HDAC9: variants seen among roughly 807,000 people sequenced by gnomAD.
The protein encoded by HDAC9 is MEF-2 interacting transcription repressor (MITR) protein.
A neutral mutation model predicts 139.4 loss-of-function variants in HDAC9; 41 were observed. The ratio of observed to expected loss-of-function variants is 0.29; its 90% CI spans 0.23 to 0.38. The LOEUF (loss-of-function observed/expected upper bound fraction) is 0.38. Ranked by LOEUF, HDAC9 falls within the 10% of genes least tolerant of loss-of-function variation. The probability of loss-of-function intolerance (pLI) is 1.00; values close to 1 mark genes in which losing one functional copy is unlikely to be tolerated. For synonymous variants in HDAC9, 517 were observed against 476.2 expected (o/e 1.09, Z -1.12); for missense variants, 1,147 against 1,297.0 (o/e 0.88, Z 1.78).
intron 2 of HDAC9, among the ~76,000 whole-genome samples, chr7:18,564,505 G>T (rs1821639794): frequency 6.6e-6 from 1 of 152,066 alleles, no homozygotes; most frequent in Non-Finnish European, 1.5e-5. Context: ...AGAGGAAGCT[G>T]GTATATAGCA....
chr7:18,725,887 G>T (rs529268100), intron 12 of HDAC9, among the ~76,000 whole-genome samples: 1 of 152,262 alleles, frequency 6.6e-6, no homozygotes, highest in Admixed American at 6.6e-5. Context: ...AACCATTGTA[G>T]CTAGAACTAG....
chr7:18,482,885 C>T lies in HDAC9; in HGVS notation c.-41-13377C>T, dbSNP rs548613246. Among the ~76,000 whole-genome samples, 102 of 152,252 alleles carry T rather than the reference C, an allele frequency of 6.7e-4. 1 individual carries two copies. In the South Asian group the frequency reaches 0.02, roughly 30 times the overall value. On this transcript the variant is annotated intron_variant, in intron 1 of 3. Transcript: ENST00000413509. Reference sequence around the variant, plus strand: ...CCAGGAGCCATTGGAAGAACTAACACTTGTCAAAGCAAATCATATTTGTTA... The same window carrying T: ...CCAGGAGCCATTGGAAGAACTAACATTTGTCAAAGCAAATCATATTTGTTA...
intron 6 of HDAC9, among the ~76,000 whole-genome samples, chr7:18,628,451 G>T (rs1462731501): frequency 6.6e-6 from 1 of 152,146 alleles, no homozygotes; most frequent in Admixed American, 6.5e-5. Context: ...AATGTTAATT[G>T]TTATGAGAAA....
rs1351662077 is a variant in HDAC9 at position 18,297,267 on chromosome 7, A to T, written c.-42+6752A>T. Among the ~76,000 whole-genome samples, 3 of 152,174 alleles carry T rather than the reference A, an allele frequency of 2.0e-5. No individual in the cohort carries two copies. The East Asian group carries it at 5.8e-4, about 29-fold the overall frequency. On this transcript the variant is annotated intron_variant, in intron 1 of 3. Coordinates refer to the HDAC9 transcript ENST00000413509. ...AACTTTTTTATTTAAAAAACTTTTAATTAAAAACTGTTTTATGTCCACGTA... is the reference window on the plus strand; with the variant it reads ...AACTTTTTTATTTAAAAAACTTTTATTTAAAAACTGTTTTATGTCCACGTA...
chr7:18,937,496 C>T (rs981874557), intron 23 of HDAC9, among the ~76,000 whole-genome samples: 14 of 152,124 alleles, frequency 9.2e-5, no homozygotes, highest in African/African-American at 3.4e-4. Context: ...CCAATAATGT[C>T]AAACAGGATG....
At chr7:18,383,007 T>C (rs889428123) in intron 1 of HDAC9, among the ~76,000 whole-genome samples, 1 of 152,218 alleles carries the variant, frequency 6.6e-6, no homozygotes, top group Non-Finnish European at 1.5e-5. Context: ...GAAAGATGCA[T>C]TGTGGTAAAG....
At chr7:18,657,723 C>T (rs536099945) in intron 11 of HDAC9, among the ~76,000 whole-genome samples, 2 of 152,280 alleles carry the variant, frequency 1.3e-5, no homozygotes, top group South Asian at 4.1e-4. Context: ...CCTCTTTCTA[C>T]TTTTGCTCCC....
intron 12 of HDAC9, among the ~76,000 whole-genome samples, chr7:18,693,009 T>G (rs1205928645): frequency 6.6e-6 from 1 of 152,094 alleles, no homozygotes; most frequent in Non-Finnish European, 1.5e-5. Flanking sequence ...TTTAATTTTT[T>G]ATTGTGATAA....
At chr7:18,917,491 A>G (rs1395945886) in intron 22 of HDAC9, among the ~76,000 whole-genome samples, 1 of 152,018 alleles carries the variant, frequency 6.6e-6, no homozygotes, top group Non-Finnish European at 1.5e-5. Context: ...TGCAAGCAAA[A>G]TGTCTAGTGA....
At chr7:18,574,295 C>T (rs574009354) in intron 2 of HDAC9, among the ~76,000 whole-genome samples, 11 of 152,186 alleles carry the variant, frequency 7.2e-5, no homozygotes, top group Non-Finnish European at 1.3e-4. Flanking sequence ...CTGTGCAGCC[C>T]TCAGTGGAGA....
intron 1 of HDAC9, among the ~76,000 whole-genome samples, chr7:18,402,824 A>G (rs975028511): frequency 8.5e-5 from 13 of 152,332 alleles, no homozygotes; most frequent in Middle Eastern, 3.4e-3. Flanking sequence ...AACAGACTCA[A>G]TAAAAAGCCA....
chr7:18,118,286 G>T (rs1784142969), intron 1 of HDAC9, among the ~76,000 whole-genome samples: 1 of 152,136 alleles, frequency 6.6e-6, no homozygotes, highest in Non-Finnish European at 1.5e-5. Flanking sequence ...CTGGAATATT[G>T]TCAGTCCTTA....
intron 2 of HDAC9, among the ~76,000 whole-genome samples, chr7:18,244,119 G>A (rs773800303): frequency 1.7e-4 from 26 of 152,030 alleles, no homozygotes; most frequent in Non-Finnish European, 3.4e-4. Flanking sequence ...AAAATAAAAC[G>A]AGTAACTTCC....
chr7:18,376,780 A>G (rs1383333745), intron 1 of HDAC9, among the ~76,000 whole-genome samples: 1 of 152,096 alleles, frequency 6.6e-6, no homozygotes, highest in Non-Finnish European at 1.5e-5. Flanking sequence ...ATCAATAATC[A>G]TATGCCTGTT....
intron 13 of HDAC9, 149 bp downstream of exon 13, chr7:18,727,906 A>G (rs1785687067): frequency 7.2e-6 from 4 of 553,976 alleles, no homozygotes; most frequent in South Asian, 3.5e-5. Context: ...TATATTGGCT[A>G]TAAGACAAAC....
At chr7:18,558,341 C>T (rs1231843798) in intron 2 of HDAC9, among the ~76,000 whole-genome samples, 2 of 152,044 alleles carry the variant, frequency 1.3e-5, no homozygotes, top group African/African-American at 2.4e-5. Context: ...GAAGGAACTA[C>T]AGAGAAATAA....
chr7:18,143,747 C>T (rs979106492), intron 1 of HDAC9, among the ~76,000 whole-genome samples: 49 of 149,330 alleles, frequency 3.3e-4, no homozygotes, highest in African/African-American at 1.1e-3. Flanking sequence ...GAGCCACGAT[C>T]GCACCATTAC....
At chr7:18,259,013 A>G (rs901510035) in intron 2 of HDAC9, among the ~76,000 whole-genome samples, 2 of 123,970 alleles carry the variant, frequency 1.6e-5, no homozygotes, top group Admixed American at 1.1e-4. Flanking sequence ...TCTGTCGTCC[A>G]GGCTGGAGTG....
At position 18,267,253 on chromosome 7, in the gene HDAC9, ATAAT is replaced by A. The variant is rs139465397; in HGVS notation, c.25+104910_25+104913del. Among the ~76,000 whole-genome samples, 433 of 152,214 alleles carry A rather than the reference ATAAT, an allele frequency of 2.8e-3. 2 individuals carry two copies. The highest frequency in any genetic ancestry group is 9.6e-3 in the African/African-American group (397 of 41,544). On this transcript the variant is annotated intron_variant, in intron 2 of 12. Coordinates refer to the HDAC9 transcript ENST00000417496. ...TACATTGTGGTGCAGCTAAGTTGAGATAATTAATTTATGCATTATCTTTCATACT... is the reference window on the plus strand; with the variant it reads ...TACATTGTGGTGCAGCTAAGTTGAGATAATTTATGCATTATCTTTCATACT...
Sources: gnomAD v4.1 joint callset for allele counts (sites outside exome capture counted in the v4.1 genomes callset) on GRCh38, gnomAD v4.1.1 for gene constraint, MANE v1.5 for transcripts, NCBI Gene and HGNC (gene_info 2026-07-23, HGNC 2026-07-21) for gene names.